PTOV1: variants seen among roughly 807,000 people sequenced by gnomAD.
PTOV1 encodes the protein prostate tumor-overexpressed gene 1 protein.
Under a neutral mutation model 58.0 loss-of-function variants are expected in PTOV1, and 20 were observed. The observed-to-expected ratio is 0.34, with a 90% CI of 0.24 to 0.50. The LOEUF is 0.50. Among genes scored for constraint, PTOV1 ranks in the 20% least tolerant of loss-of-function variants. The pLI is 0.98. For missense variants in PTOV1, 593 were observed against 565.4 expected, an observed-to-expected ratio of 1.05 and a Z score of -0.50; for synonymous variants, 335 against 234.2, an observed-to-expected ratio of 1.43 and a Z score of -3.93.
At chr19:49,858,286 C>T in intron 9 of PTOV1, 172 bp downstream of exon 9, 1 of 889,902 alleles carries the variant, frequency 1.1e-6, no homozygotes, top group Non-Finnish European at 1.7e-6. Context: ...CAAGGGGTCC[C>T]AGGCAGCCAG....
chr19:49,860,087 T>C (rs778520988), exon 11 of PTOV1: 63 of 1,614,128 alleles, frequency 3.9e-5, no homozygotes, highest in Non-Finnish European at 5.3e-5. Context: ...TCATCCCCCA[T>C]GACCAGGGCA....
intron 6 of PTOV1, 80 bp downstream of exon 6, chr19:49,857,210 G>A: frequency 2.6e-6 from 4 of 1,551,418 alleles, no homozygotes; most frequent in Non-Finnish European, 3.5e-6. Context: ...CAGACTTGGT[G>A]TGGGCGGAGT....
intron 9 of PTOV1, 196 bp downstream of exon 9, chr19:49,858,310 A>C (rs1199617774): frequency 1.3e-6 from 1 of 792,340 alleles, no homozygotes; most frequent in African/African-American, 1.7e-5. Context: ...GTGGCTGTGC[A>C]GGGACTGAGC....
At chr19:49,857,561 CT>C in intron 6 of PTOV1, 131 bp from the exon 7 acceptor site, 2 of 832,326 alleles carry the variant, frequency 2.4e-6, no homozygotes, top group Non-Finnish European at 3.9e-6. Context: ...GCCTGTTCCC[CT>C]GGGACTAGAG....
chr19:49,850,935 G>A (rs766749550), upstream of PTOV1: 20 of 1,535,790 alleles, frequency 1.3e-5, no homozygotes, highest in South Asian at 2.3e-4. Flanking sequence ...TGTCGCCTTC[G>A]TTCTTCTGCC....
chr19:49,857,650 C>T, intron 6 of PTOV1, 43 bp from the exon 7 acceptor site: 4 of 1,573,610 alleles, frequency 2.5e-6, no homozygotes, highest in Non-Finnish European at 3.5e-6. Flanking sequence ...ACAGGTTTCC[C>T]AGGAGCCTGG....
Position 49,856,976 on chromosome 19 carries a change from C to T in PTOV1, c.560C>T (p.Ala187Val), listed in dbSNP as rs146815646. The T allele has an allele frequency of 1.7e-5, 28 of 1,612,476 alleles. No homozygotes were observed. Among genetic ancestry groups the T allele is most frequent in the Middle Eastern group, 2.0e-4 (1 of 5,028 alleles). The change falls in exon 6 of 12, where the codon GCG becomes GTG. Residue 187 changes from alanine to valine, a missense_variant and splice_region_variant. Physicochemically the swap from Ala to Val is moderately conservative, Grantham distance 64. Coordinates refer to ENST00000391842, the Ensembl canonical transcript of PTOV1. ...GGTCCTGACCCGCGGCCCCCGCAGG[C>T]GGGCTGCATGCTGTTCCCCCACATC...
At chr19:49,854,336 G>A in intron 1 of PTOV1, 70 bp from the exon 2 acceptor site, 2 of 1,546,466 alleles carry the variant, frequency 1.3e-6, no homozygotes, top group Non-Finnish European at 1.8e-6. Flanking sequence ...CCCCTCTGGG[G>A]TGTGTGGGGA....
In PTOV1 at chr19:49,857,000, T is replaced by C; in HGVS notation, c.584T>C (p.Ile195Thr). ...GCGGGCTGCATGCTGTTCCCCCACA[T>C]CTCCCCCTGTGAGGTGCGCGTGCTC... is the stretch of plus-strand genomic sequence containing the variant. Residue 195 changes from isoleucine (I) to threonine (T), a missense_variant, in exon 6 of 12, where the codon ATC (isoleucine) becomes ACC (threonine). By Grantham distance (89) the Ile-to-Thr change is moderately conservative. Transcript: ENST00000391842. 1 of 1,613,466 alleles carries C rather than the reference T, an allele frequency of 6.2e-7. No individual in the cohort carries two copies. The highest frequency in any genetic ancestry group is 8.5e-7 in the Non-Finnish European group (1 of 1,179,918).
At chr19:49,857,510 A>G (rs2074528121) in intron 6 of PTOV1, 183 bp from the exon 7 acceptor site, 3 of 656,700 alleles carry the variant, frequency 4.6e-6, no homozygotes, top group Non-Finnish European at 5.4e-6. Context: ...GTCTCAGGCC[A>G]CTGGGGAGCC....
intron 1 of PTOV1, among the ~76,000 whole-genome samples, chr19:49,853,491 A>T (rs1385312256): frequency 8.2e-6 from 1 of 122,434 alleles, no homozygotes; most frequent in African/African-American, 3.3e-5. Context: ...CCCCATCTCT[A>T]CTAAAAAAAA....
At chr19:49,860,339 G>A (rs556803475) in exon 12 of PTOV1, 2 of 1,531,744 alleles carry the variant, frequency 1.3e-6, no homozygotes, top group Admixed American at 1.8e-5. Context: ...AGAGACTGGT[G>A]AGTGGTGACC....
At position 49,852,182 on chromosome 19, in the gene PTOV1, G is replaced by A. The variant is rs908953580; in HGVS notation, c.171+683G>A. 11 of 671,116 alleles carry A rather than the reference G, an allele frequency of 1.6e-5. No homozygotes were observed. The African/African-American group carries it at 2.0e-4, about 12-fold the overall frequency. 41.6% of individuals were successfully genotyped at this position (671,116 alleles called of 1,614,324 possible). A position where few individuals can be genotyped will look rare whatever the true frequency, so the allele number is the denominator to read the frequency against. ...CATCGCGACTTTGCACCGTGCACAC[G>A]CTTGCCCCGATGTGAGATTTCCCCT... On this transcript the variant is annotated intron_variant, in intron 1 of 11. Coordinates refer to ENST00000391842, the Ensembl canonical transcript of PTOV1.
intron 10 of PTOV1, chr19:49,859,770 C>T (rs1568652607): frequency 5.1e-6 from 3 of 593,856 alleles, no homozygotes; most frequent in Middle Eastern, 4.5e-4. Flanking sequence ...GGTTCTTGGG[C>T]CCTTCCCGAC....
At chr19:49,856,036 C>G (rs975120259) in intron 5 of PTOV1, 1 of 152,172 alleles carries the variant, frequency 6.6e-6, no homozygotes, top group African/African-American at 2.4e-5. Flanking sequence ...TCTGCCTCTA[C>G]CCGTCCCAGC....
chr19:49,857,894 C>G lies in PTOV1; in HGVS notation c.805-10C>G. ...GCCCTGAGGGCTCCTCTTTGCCTCT[C>G]CCCCAAAAGCCCAGGCCTGAGCCCA... On this transcript the variant is annotated splice_polypyrimidine_tract_variant and intron_variant, in intron 7 of 11. Transcript: ENST00000391842. 6.2e-7 allele frequency: 1 copy of G among 1,613,094 alleles called. No homozygotes were observed. Among genetic ancestry groups the G allele is most frequent in the Non-Finnish European group, 8.5e-7 (1 of 1,179,298 alleles).
chr19:49,858,577 C>G, exon 10 of PTOV1: 1 of 1,604,494 alleles, frequency 6.2e-7, no homozygotes, highest in Non-Finnish European at 8.5e-7. Flanking sequence ...TTCCGGAACT[C>G]GCGCCTGGTC....
intron 1 of PTOV1, chr19:49,852,018 G>A: frequency 1.0e-6 from 1 of 985,528 alleles, no homozygotes; most frequent in Non-Finnish European, 1.2e-6. Context: ...GGGATGCTTT[G>A]ATGGACTGCC....
chr19:49,857,124 C>G (rs770993667), exon 6 of PTOV1: 2 of 1,613,916 alleles, frequency 1.2e-6, no homozygotes, highest in African/African-American at 2.7e-5. Flanking sequence ...TCACCACCCG[C>G]AAGCAGGTGT....
Sources: gnomAD v4.1 joint callset for allele counts (sites outside exome capture counted in the v4.1 genomes callset) on GRCh38, gnomAD v4.1.1 for gene constraint, MANE v1.5 for transcripts, NCBI Gene and HGNC (gene_info 2026-07-23, HGNC 2026-07-21) for gene names.